ATG7: variants seen among roughly 807,000 people sequenced by gnomAD.
The protein encoded by ATG7 is autophagy related 7, also known as ubiquitin-like modifier-activating enzyme ATG7.
ATG7 carries 70 observed loss-of-function variants against 82.4 expected under a neutral mutation model. That is an observed-to-expected ratio of 0.85 (90% CI 0.70 to 1.04). The LOEUF is 1.04. Ranked by LOEUF, ATG7 falls within the 50% of genes least tolerant of loss-of-function variation. ATG7 has a pLI of 0.00. For synonymous variants in ATG7, 287 were observed against 313.0 expected, an observed-to-expected ratio of 0.92 and a Z score of 0.88; for missense variants, 792 against 864.3, an observed-to-expected ratio of 0.92 and a Z score of 1.05.
chr3:11,338,320 G>GGT (rs1952883282), intron 11 of ATG7, among the ~76,000 whole-genome samples: 1 of 152,044 alleles, frequency 6.6e-6, no homozygotes, highest in Non-Finnish European at 1.5e-5. Context: ...AGTATTTCAT[G>GGT]GTGTGTGTGT....
At chr3:11,405,197 C>T (rs114920782) in intron 19 of ATG7, among the ~76,000 whole-genome samples, 11 of 152,238 alleles carry the variant, frequency 7.2e-5, no homozygotes, top group Non-Finnish European at 1.3e-4. Flanking sequence ...GACATTTTGT[C>T]AGTGGATCTT....
intron 20 of ATG7, among the ~76,000 whole-genome samples, chr3:11,471,096 CA>C (rs939641628): frequency 4.6e-5 from 7 of 152,162 alleles, no homozygotes; most frequent in Admixed American, 1.3e-4. Flanking sequence ...CTGTCCCCTC[CA>C]GGCTACCCTC....
chr3:11,342,333 CTTG>C (rs1953783358), intron 13 of ATG7, 54 bp downstream of exon 13: 1 of 1,562,498 alleles, frequency 6.4e-7, no homozygotes, highest in Admixed American at 1.8e-5. Flanking sequence ...AGCTTCTCTT[CTTG>C]TTTTACTCTC....
Position 11,318,443 on chromosome 3 carries a change from A to G in ATG7, c.678+2950A>G, listed in dbSNP as rs572827935. 3.0e-4 allele frequency among the ~76,000 whole-genome samples: 45 copies of G among 152,322 alleles called. 1 individual carries two copies. The South Asian group carries it at 9.3e-3, about 32-fold the overall frequency. On this transcript the variant is annotated intron_variant, in intron 9 of 20. Coordinates refer to ENST00000693202, the MANE Select transcript of ATG7 (RefSeq NM_001349232.2). ...TACTTTGGTTGGTCTTCTATGCCTT[A>G]TCTTATTCTAGGAAAGATCACCAGA...
chr3:11,571,864 T>G, the ATG7 span, among the ~76,000 whole-genome samples: 8 of 152,160 alleles, frequency 5.3e-5, no homozygotes, highest in African/African-American at 1.4e-4. Context: ...CTCATCACTT[T>G]GGGAGGCCGA....
At chr3:11,490,300 C>G (rs1049547575) in intron 20 of ATG7, among the ~76,000 whole-genome samples, 3 of 152,062 alleles carry the variant, frequency 2.0e-5, no homozygotes, top group Non-Finnish European at 4.4e-5. Context: ...CAACCCCTGC[C>G]TTTTTTTGTT....
chr3:11,401,665 A>G (rs2079847427), intron 19 of ATG7, among the ~76,000 whole-genome samples: 5 of 152,168 alleles, frequency 3.3e-5, no homozygotes, highest in Admixed American at 6.6e-5. Context: ...CTTCTGTTTT[A>G]TAAGCCATTC....
At chr3:11,576,163 G>C in the ATG7 span, among the ~76,000 whole-genome samples, 1 of 152,226 alleles carries the variant, frequency 6.6e-6, no homozygotes, top group Non-Finnish European at 1.5e-5. Flanking sequence ...CAGGGAAGTA[G>C]TTGTGAGAGC....
At chr3:11,484,685 A>G (rs2153037376) in intron 20 of ATG7, among the ~76,000 whole-genome samples, 1 of 152,252 alleles carries the variant, frequency 6.6e-6, no homozygotes, top group East Asian at 1.9e-4. Flanking sequence ...TATCTCCTAA[A>G]GCTATCCCTC....
chr3:11,538,912 G>C lies in ATG7; in HGVS notation c.2080-15899G>C, dbSNP rs112389343. ...AAAGAAAAAGCCCTTAGTAATTCTT[G>C]AGAATGAGTGACTGAAGGAAGGAAT... On this transcript the variant is annotated intron_variant, in intron 20 of 20. Transcript: ENST00000693202. 6.3e-3 allele frequency among the ~76,000 whole-genome samples: 950 copies of C among 150,528 alleles called. 9 individuals are homozygous for C. Among genetic ancestry groups the C allele is most frequent in the African/African-American group, 0.021 (882 of 41,188 alleles).
intron 1 of ATG7, among the ~76,000 whole-genome samples, chr3:11,278,542 C>T (rs972419513): frequency 1.3e-5 from 2 of 152,222 alleles, no homozygotes; most frequent in African/African-American, 4.8e-5. Context: ...CAGTCATCAA[C>T]AAGTATTTAT....
chr3:11,299,907 T>C (rs1946514372), intron 5 of ATG7, among the ~76,000 whole-genome samples: 1 of 151,086 alleles, frequency 6.6e-6, no homozygotes, highest in African/African-American at 2.4e-5. Context: ...CTGTGGGGAG[T>C]TGCTGGAGAG....
At chr3:11,467,293 T>A (rs1234685187) in intron 20 of ATG7, among the ~76,000 whole-genome samples, 1 of 152,172 alleles carries the variant, frequency 6.6e-6, no homozygotes, top group Non-Finnish European at 1.5e-5. Flanking sequence ...AGCTGGGAAG[T>A]CTTTGAACAA....
intron 19 of ATG7, among the ~76,000 whole-genome samples, chr3:11,391,613 T>C (rs2078806933): frequency 6.6e-6 from 1 of 152,164 alleles, no homozygotes; most frequent in Non-Finnish European, 1.5e-5. Context: ...TTGGAAGCCT[T>C]TTTACAGCCT....
At chr3:11,323,742 T>C (rs756105992) in intron 9 of ATG7, among the ~76,000 whole-genome samples, 3 of 152,252 alleles carry the variant, frequency 2.0e-5, no homozygotes, top group Non-Finnish European at 4.4e-5. Flanking sequence ...ATTTATATGC[T>C]GTTAGTTGGG....
intron 7 of ATG7, among the ~76,000 whole-genome samples, chr3:11,311,344 C>T (rs573805322): frequency 6.6e-6 from 1 of 152,126 alleles, no homozygotes; most frequent in South Asian, 2.1e-4. Flanking sequence ...TGGTTCATGC[C>T]TGTAATTCTA....
At chr3:11,492,150 A>T (rs2088602) in intron 20 of ATG7, among the ~76,000 whole-genome samples, 1 of 152,148 alleles carries the variant, frequency 6.6e-6, no homozygotes, top group East Asian at 1.9e-4. Context: ...CCAGGTGTGG[A>T]ATACAATCTC....
intron 19 of ATG7, among the ~76,000 whole-genome samples, chr3:11,384,181 A>G (rs1051765772): frequency 6.6e-6 from 1 of 152,206 alleles, no homozygotes; most frequent in African/African-American, 2.4e-5. Context: ...TCAGACCTGC[A>G]GAGTCAGGAG....
chr3:11,503,755 C>CAAAAAA (rs34065629), intron 20 of ATG7, among the ~76,000 whole-genome samples: 62 of 76,680 alleles, frequency 8.1e-4, no homozygotes, highest in East Asian at 1.4e-3. Context: ...GACTCTGTCT[C>CAAAAAA]AAAAAAAAAA....
Sources: gnomAD v4.1 joint callset for allele counts (sites outside exome capture counted in the v4.1 genomes callset) on GRCh38, gnomAD v4.1.1 for gene constraint, MANE v1.5 for transcripts, NCBI Gene and HGNC (gene_info 2026-07-23, HGNC 2026-07-21) for gene names.